The following HIVEP3 variants were observed in gnomAD, a reference collection of about 807,000 sequenced individuals.
HIVEP3 encodes the protein transcription factor HIVEP3.
HIVEP3 carries 49 observed loss-of-function variants against 152.8 expected under a neutral mutation model. The observed-to-expected ratio is 0.32, with a 90% CI of 0.26 to 0.41. The LOEUF is 0.41. Ranked by LOEUF, HIVEP3 falls within the 10% of genes least tolerant of loss-of-function variation. HIVEP3 has a pLI of 1.00. For synonymous variants in HIVEP3, 1,269 were observed against 1,289.0 expected, an observed-to-expected ratio of 0.98 and a Z score of 0.33; for missense variants, 2,790 against 3,103.3, an observed-to-expected ratio of 0.90 and a Z score of 2.40.
At chr1:41,635,449 C>T (rs1392793990) in intron 2 of HIVEP3, among the ~76,000 whole-genome samples, 5 of 147,574 alleles carry the variant, frequency 3.4e-5, no homozygotes, top group Middle Eastern at 7.2e-3. Context: ...GAAAATAAAA[C>T]GAGTGAGAAA....
intron 1 of HIVEP3, among the ~76,000 whole-genome samples, chr1:41,937,683 T>G (rs559366725): frequency 6.6e-6 from 1 of 152,230 alleles, no homozygotes; most frequent in African/African-American, 2.4e-5. Flanking sequence ...ACAATGCCAG[T>G]CTAAAACATT....
At chr1:41,927,973 A>T (rs1011003062) in intron 1 of HIVEP3, among the ~76,000 whole-genome samples, 1 of 149,338 alleles carries the variant, frequency 6.7e-6, no homozygotes, top group Non-Finnish European at 1.5e-5. Flanking sequence ...AGGCAGGAGA[A>T]TCGCTTGAAC....
At chr1:41,791,141 C>T (rs893054057) in intron 1 of HIVEP3, among the ~76,000 whole-genome samples, 1 of 148,044 alleles carries the variant, frequency 6.8e-6, no homozygotes. Context: ...CACACACACA[C>T]ACACACACAC....
chr1:41,716,520 G>C (rs1027428811), intron 1 of HIVEP3, among the ~76,000 whole-genome samples: 2 of 152,188 alleles, frequency 1.3e-5, no homozygotes, highest in East Asian at 1.9e-4. Flanking sequence ...CAGAAGAGCT[G>C]GGGGGCCCCG....
intron 1 of HIVEP3, among the ~76,000 whole-genome samples, chr1:41,885,024 T>A (rs1255376405): frequency 6.6e-6 from 1 of 152,208 alleles, no homozygotes; most frequent in Non-Finnish European, 1.5e-5. Flanking sequence ...AGGCATCCAG[T>A]ACCCATGCTC....
chr1:41,637,145 T>C (rs1645287451), intron 2 of HIVEP3, among the ~76,000 whole-genome samples: 1 of 152,094 alleles, frequency 6.6e-6, no homozygotes, highest in African/African-American at 2.4e-5. Flanking sequence ...CTCGGCAGCT[T>C]TGCAGTGTGC....
chr1:41,855,245 T>C (rs1385664943), intron 1 of HIVEP3, among the ~76,000 whole-genome samples: 5 of 151,600 alleles, frequency 3.3e-5, no homozygotes, highest in African/African-American at 9.7e-5. Flanking sequence ...TATCTCATAG[T>C]GGTTTTGATT....
At chr1:41,901,856 T>C (rs1010030147) in intron 1 of HIVEP3, among the ~76,000 whole-genome samples, 1 of 152,218 alleles carries the variant, frequency 6.6e-6, no homozygotes, top group African/African-American at 2.4e-5. Context: ...GTGTGCTGTC[T>C]TGCTTCTTTG....
chr1:41,674,784 C>T (rs1558169175), intron 2 of HIVEP3, among the ~76,000 whole-genome samples: 1 of 152,174 alleles, frequency 6.6e-6, no homozygotes, highest in South Asian at 2.1e-4. Context: ...TGGTCAATTA[C>T]GTTGGGAAAA....
intron 1 of HIVEP3, among the ~76,000 whole-genome samples, chr1:41,956,676 G>A (rs57792123): frequency 0.016 from 2,420 of 152,294 alleles, 47 homozygotes; most frequent in African/African-American, 0.051. Context: ...CAGCAATGTG[G>A]AGAAGCAGCG....
chr1:41,619,335 T>C (rs1288498836), intron 3 of HIVEP3, among the ~76,000 whole-genome samples: 4 of 152,264 alleles, frequency 2.6e-5, no homozygotes, highest in Non-Finnish European at 5.9e-5. Flanking sequence ...ATTCCTTTCC[T>C]GACTGCCACC....
chr1:41,779,777 G>A (rs1187725977), intron 1 of HIVEP3, among the ~76,000 whole-genome samples: 2 of 152,176 alleles, frequency 1.3e-5, no homozygotes, highest in African/African-American at 2.4e-5. Context: ...GATTAAAGGC[G>A]TGTGCCACCG....
chr1:41,732,174 C>G (rs943097707), intron 1 of HIVEP3, among the ~76,000 whole-genome samples: 3 of 152,120 alleles, frequency 2.0e-5, no homozygotes, highest in Non-Finnish European at 4.4e-5. Flanking sequence ...GAGAGGGGAC[C>G]ACATGAGCCA....
In HIVEP3 at chr1:41,636,959, CAAA is replaced by C. The variant is rs56258158; in HGVS notation, c.-720-8015_-720-8013del. Among the ~76,000 whole-genome samples, 620 of 127,058 alleles carry C rather than the reference CAAA, an allele frequency of 4.9e-3. 8 individuals are homozygous for C. The highest frequency in any genetic ancestry group is 0.03 in the East Asian group (132 of 4,356). 83.4% of individuals were successfully genotyped at this position (127,058 alleles called of 152,430 possible). Reference sequence around the variant, plus strand: ...GGGCAACAAGAGCGAAACTCCATCTCAAAAAAAAAAAAAAAAAAAATCGGTATC... The same window carrying C: ...GGGCAACAAGAGCGAAACTCCATCTCAAAAAAAAAAAAAAAAATCGGTATC... On this transcript the variant is annotated intron_variant, in intron 2 of 8. Transcript: ENST00000372583.
At chr1:41,618,534 G>A (rs1210418022) in intron 3 of HIVEP3, among the ~76,000 whole-genome samples, 4 of 152,070 alleles carry the variant, frequency 2.6e-5, no homozygotes, top group African/African-American at 4.8e-5. Context: ...TGCCATCCTC[G>A]GGCACCACTC....
intron 1 of HIVEP3, among the ~76,000 whole-genome samples, chr1:41,721,271 G>A (rs1344707546): frequency 3.3e-5 from 5 of 151,818 alleles, no homozygotes; most frequent in South Asian, 2.1e-4. Context: ...GCAATGGAGC[G>A]ATCTCGGCTC....
intron 3 of HIVEP3, among the ~76,000 whole-genome samples, chr1:41,627,459 T>A (rs985315200): frequency 5.3e-5 from 8 of 152,162 alleles, no homozygotes; most frequent in Non-Finnish European, 8.8e-5. Flanking sequence ...CAGTTCTTCC[T>A]TGGAATCCAG....
At chr1:41,665,987 C>T (rs1390770535) in intron 2 of HIVEP3, among the ~76,000 whole-genome samples, 1 of 152,154 alleles carries the variant, frequency 6.6e-6, no homozygotes, top group Non-Finnish European at 1.5e-5. Context: ...CAACCAGGCC[C>T]TGTGGGCCTT....
At chr1:41,757,872 C>A (rs1347168055) in intron 1 of HIVEP3, among the ~76,000 whole-genome samples, 1 of 152,016 alleles carries the variant, frequency 6.6e-6, no homozygotes, top group Admixed American at 6.6e-5. Context: ...CGCCACCACA[C>A]CCACTAATTT....
Sources: allele counts gnomAD v4.1 joint callset (sites outside exome capture counted in the v4.1 genomes callset), GRCh38; gene constraint gnomAD v4.1.1; transcripts MANE v1.5; gene names NCBI Gene and HGNC (gene_info 2026-07-23, HGNC 2026-07-21).